Variants in LHFPL1 observed in about 807,000 individuals in gnomAD.
The protein encoded by LHFPL1 is LHFPL tetraspan subfamily member 1, also known as LHFPL tetraspan subfamily member 1 protein.
A neutral mutation model predicts 12.1 loss-of-function variants in LHFPL1; 4 were observed. The ratio of observed to expected loss-of-function variants is 0.33; its 90% CI spans 0.16 to 0.76. The LOEUF is 0.76. Ranked by LOEUF, LHFPL1 falls within the 30% of genes least tolerant of loss-of-function variation. The pLI is 0.61. For synonymous variants in LHFPL1, 52 were observed against 61.9 expected, an observed-to-expected ratio of 0.84 and a Z score of 0.75; for missense variants, 141 against 174.1, an observed-to-expected ratio of 0.81 and a Z score of 1.07.
At chrX:112,678,070 A>G (rs941162358) in intron 1 of LHFPL1, among the ~76,000 whole-genome samples, 7 of 110,936 alleles carry the variant, frequency 6.3e-5, no homozygotes, top group Non-Finnish European at 1.3e-4. Context: ...GTGGAGAGAA[A>G]GGACTAACTG....
chrX:112,646,861 A>G (rs779423886), intron 3 of LHFPL1, among the ~76,000 whole-genome samples: 21 of 111,510 alleles, frequency 1.9e-4, no homozygotes, highest in African/African-American at 6.8e-4. Context: ...AAATTCTCAA[A>G]TGACTCAAGA....
intron 1 of LHFPL1, among the ~76,000 whole-genome samples, chrX:112,673,730 C>T (rs576149255): frequency 3.6e-5 from 4 of 111,843 alleles, no homozygotes; most frequent in South Asian, 7.6e-4. Context: ...AGTGATTCAA[C>T]GGCAAAGCCA....
At chrX:112,663,082 T>A (rs7880933) in intron 2 of LHFPL1, among the ~76,000 whole-genome samples, 1 of 110,868 alleles carries the variant, frequency 9.0e-6, no homozygotes, top group African/African-American at 3.3e-5. Context: ...ACCTTCCATC[T>A]TCTTCAGACC....
intron 3 of LHFPL1, among the ~76,000 whole-genome samples, chrX:112,633,483 A>T (rs1165155671): frequency 8.9e-6 from 1 of 112,348 alleles, no homozygotes; most frequent in Admixed American, 9.4e-5. Context: ...TCAATATTTA[A>T]TAATTCCTCA....
In LHFPL1 at chrX:112,671,398, G is replaced by A. The variant is rs1319999455; in HGVS notation, c.-8C>T. On this transcript the variant is annotated 5_prime_UTR_variant, in exon 2 of 4. Coordinates refer to ENST00000371968, the MANE Select transcript of LHFPL1 (RefSeq NM_178175.4). ...GGTCAGGCTGCTCCTCATGGTCACA[G>A]GTTTCTCTGCAGGGATGGGGAGATG... 1 of 1,210,121 alleles carries A rather than the reference G, an allele frequency of 8.3e-7. No homozygotes were observed. Among genetic ancestry groups the A allele is most frequent in the African/African-American group, 1.7e-5 (1 of 57,208 alleles).
chrX:112,642,114 A>G (rs1487737428), intron 3 of LHFPL1, among the ~76,000 whole-genome samples: 1 of 109,158 alleles, frequency 9.2e-6, no homozygotes, highest in Non-Finnish European at 1.9e-5. Context: ...TCCTGGGATT[A>G]CAGTTGACCC....
chrX:112,665,810 C>T (rs1335459642), intron 2 of LHFPL1, among the ~76,000 whole-genome samples: 2 of 112,023 alleles, frequency 1.8e-5, no homozygotes, highest in African/African-American at 3.2e-5. Context: ...CACCAATACA[C>T]ACCTTCAGGT....
At chrX:112,649,483 T>C (rs911124047) in intron 3 of LHFPL1, among the ~76,000 whole-genome samples, 4 of 112,201 alleles carry the variant, frequency 3.6e-5, no homozygotes, top group Non-Finnish European at 7.5e-5. Flanking sequence ...GCTTCATTCA[T>C]GCTATTCTTC....
intron 3 of LHFPL1, among the ~76,000 whole-genome samples, chrX:112,658,269 A>G: frequency 9.1e-6 from 1 of 109,603 alleles, no homozygotes; most frequent in East Asian, 2.8e-4. Context: ...CCTAAAAAAT[A>G]CAAAAATTAG....
At chrX:112,639,309 C>T (rs1930435009) in intron 3 of LHFPL1, among the ~76,000 whole-genome samples, 1 of 111,119 alleles carries the variant, frequency 9.0e-6, no homozygotes, top group Non-Finnish European at 1.9e-5. Flanking sequence ...TGCCAGGCTC[C>T]TTTGCCAGAG....
At chrX:112,642,953 T>C (rs1024453707) in intron 3 of LHFPL1, among the ~76,000 whole-genome samples, 6 of 109,908 alleles carry the variant, frequency 5.5e-5, no homozygotes, top group Non-Finnish European at 9.5e-5. Context: ...CTTGTACCTG[T>C]AGAGCATTGT....
intron 3 of LHFPL1, among the ~76,000 whole-genome samples, chrX:112,633,046 G>C (rs1222721728): frequency 8.9e-6 from 1 of 112,224 alleles, no homozygotes; most frequent in Non-Finnish European, 1.9e-5. Context: ...GAATGTATCC[G>C]TATACTCCAT....
At chrX:112,664,449 G>C (rs1468716324) in intron 2 of LHFPL1, among the ~76,000 whole-genome samples, 1 of 111,897 alleles carries the variant, frequency 8.9e-6, no homozygotes, top group Non-Finnish European at 1.9e-5. Context: ...TGATTCAAAA[G>C]CTGCCTTGTT....
At chrX:112,656,518 C>A (rs779635443) in intron 3 of LHFPL1, among the ~76,000 whole-genome samples, 1 of 111,403 alleles carries the variant, frequency 9.0e-6, no homozygotes, top group South Asian at 3.8e-4. Flanking sequence ...CTTGCAAGGG[C>A]AATTAGGCAA....
chrX:112,646,355 A>AG (rs200155288), intron 3 of LHFPL1, among the ~76,000 whole-genome samples: 227 of 8,252 alleles, frequency 0.028, 1 homozygote, highest in African/African-American at 0.086. Context: ...TTGCGGGGGG[A>AG]GGGGGGGTGC....
intron 3 of LHFPL1, among the ~76,000 whole-genome samples, chrX:112,650,817 T>C: frequency 8.9e-6 from 1 of 111,827 alleles, no homozygotes; most frequent in East Asian, 2.8e-4. Context: ...AACAATTCAG[T>C]TCCTCAGTCC....
Position 112,655,537 on chromosome X carries a change from G to A in LHFPL1, c.481+5090C>T, listed in dbSNP as rs989922668. Among the ~76,000 whole-genome samples, 70 of 111,536 alleles carry A rather than the reference G, an allele frequency of 6.3e-4. 1 individual carries two copies. Among genetic ancestry groups the A allele is most frequent in the African/African-American group, 2.2e-3 (69 of 30,703 alleles). Reference sequence around the variant, plus strand: ...AGAAAGCCTATCAGAGTAGCAGAGTGGTAAATCCTTTTTACTTACTCTGAT... The same window carrying A: ...AGAAAGCCTATCAGAGTAGCAGAGTAGTAAATCCTTTTTACTTACTCTGAT... On this transcript the variant is annotated intron_variant, in intron 3 of 3. Transcript: ENST00000371968.
intron 1 of LHFPL1, among the ~76,000 whole-genome samples, chrX:112,676,482 C>A (rs1420008843): frequency 8.9e-6 from 1 of 111,784 alleles, no homozygotes; most frequent in Non-Finnish European, 1.9e-5. Flanking sequence ...GCTAGATGGG[C>A]CGCAAGCCTG....
chrX:112,652,840 A>G lies in LHFPL1; in HGVS notation c.481+7787T>C, dbSNP rs143881941. 1.0e-3 allele frequency among the ~76,000 whole-genome samples: 115 copies of G among 112,270 alleles called. 2 individuals carry two copies. The East Asian group carries it at 0.026, about 25-fold the overall frequency. ...CAGTAGATGAAATCAACCTGACAGA[A>G]TAGTTTTAAGAAACCAGTATGGTAA... is the stretch of plus-strand genomic sequence containing the variant. On this transcript the variant is annotated intron_variant, in intron 3 of 3. Transcript: ENST00000371968.
Sources: gnomAD v4.1 joint callset for allele counts (sites outside exome capture counted in the v4.1 genomes callset) on GRCh38, gnomAD v4.1.1 for gene constraint, MANE v1.5 for transcripts, NCBI Gene and HGNC (gene_info 2026-07-23, HGNC 2026-07-21) for gene names.